The following EPB41L4B variants were observed in gnomAD, a reference collection of about 807,000 sequenced individuals.
EPB41L4B encodes the protein erythrocyte membrane protein band 4.1 like 4B.
In EPB41L4B, 30 loss-of-function variants were observed where a neutral mutation model predicts 112.5. That is an observed-to-expected ratio of 0.27 (90% CI 0.20 to 0.36). The LOEUF (loss-of-function observed/expected upper bound fraction) is 0.36. Ranked by LOEUF, EPB41L4B falls within the 10% of genes least tolerant of loss-of-function variation. The pLI, the probability that EPB41L4B is intolerant of heterozygous loss-of-function variation, is 1.00. For synonymous variants in EPB41L4B, 408 were observed against 439.7 expected, an observed-to-expected ratio of 0.93 and a Z score of 0.90; for missense variants, 1,024 against 1,133.3, an observed-to-expected ratio of 0.90 and a Z score of 1.38.
chr9:109,241,697 T>C (rs1328650685), intron 15 of EPB41L4B: 1 of 1,614,192 alleles, frequency 6.2e-7, no homozygotes, highest in East Asian at 2.2e-5. Context: ...CGATACATCA[T>C]ACTTTGCATC....
At chr9:109,246,508 G>T (rs1041771800) in intron 14 of EPB41L4B, among the ~76,000 whole-genome samples, 1 of 152,192 alleles carries the variant, frequency 6.6e-6, no homozygotes, top group African/African-American at 2.4e-5. Context: ...GGAAGCAAAG[G>T]AATTCCAGGC....
chr9:109,275,338 C>T (rs1364142327), intron 2 of EPB41L4B, among the ~76,000 whole-genome samples: 3 of 152,140 alleles, frequency 2.0e-5, no homozygotes, highest in Non-Finnish European at 4.4e-5. Flanking sequence ...GGCAATAAGC[C>T]AATAGCCAAG....
chr9:109,182,633 A>G, intron 24 of EPB41L4B, 96 bp downstream of exon 24: 4 of 872,090 alleles, frequency 4.6e-6, no homozygotes, highest in Non-Finnish European at 7.6e-6. Context: ...GGTGATCAAA[A>G]GAAGCGGTTG....
At chr9:109,204,587 G>A (rs532316432) in intron 18 of EPB41L4B, among the ~76,000 whole-genome samples, 1 of 152,218 alleles carries the variant, frequency 6.6e-6, no homozygotes, top group South Asian at 2.1e-4. Flanking sequence ...GACTTCCTGG[G>A]CTCAATCAAT....
intron 14 of EPB41L4B, among the ~76,000 whole-genome samples, chr9:109,245,357 T>C (rs117123966): frequency 0.026 from 3,923 of 152,328 alleles, 67 homozygotes; most frequent in Non-Finnish European, 0.037. Context: ...GTGGGAACCT[T>C]AGCCACAGAC....
At chr9:109,199,619 A>G (rs1335692537) in intron 20 of EPB41L4B, among the ~76,000 whole-genome samples, 1 of 152,214 alleles carries the variant, frequency 6.6e-6, no homozygotes, top group Non-Finnish European at 1.5e-5. Flanking sequence ...GTGAGCCAAG[A>G]TCACACCACT....
chr9:109,306,388 TGGATCACCTGAGGTCA>T (rs1837193327), intron 1 of EPB41L4B, among the ~76,000 whole-genome samples: 1 of 151,972 alleles, frequency 6.6e-6, no homozygotes, highest in Non-Finnish European at 1.5e-5. Context: ...GAGGTGGGGA[TGGATCACCTGAGGTCA>T]GGAGTTTGAG....
chr9:109,238,978 C>T (rs1284229487), intron 15 of EPB41L4B, among the ~76,000 whole-genome samples: 2 of 152,152 alleles, frequency 1.3e-5, no homozygotes, highest in East Asian at 1.9e-4. Context: ...TGGGGAATTC[C>T]ACTGAGAGGC....
At chr9:109,303,401 A>G (rs1029010385) in intron 1 of EPB41L4B, among the ~76,000 whole-genome samples, 1 of 152,108 alleles carries the variant, frequency 6.6e-6, no homozygotes, top group Non-Finnish European at 1.5e-5. Flanking sequence ...GCTGGGGTGC[A>G]GTGGCGCGAT....
At chr9:109,251,617 TCCAACTCCAA>T (rs1312026447) in intron 12 of EPB41L4B, 106 bp from the exon 13 acceptor site, 7 of 1,008,708 alleles carry the variant, frequency 6.9e-6, no homozygotes, top group Non-Finnish European at 1.1e-5. Flanking sequence ...ACAGAGCCTT[TCCAACTCCAA>T]CCCAGGCAGA....
intron 1 of EPB41L4B, among the ~76,000 whole-genome samples, chr9:109,316,365 G>A (rs981400056): frequency 6.6e-6 from 1 of 152,250 alleles, no homozygotes. Context: ...AGGGCAACGG[G>A]AGGCGGGGCT....
At chr9:109,272,221 C>CTG (rs1835650244) in intron 2 of EPB41L4B, among the ~76,000 whole-genome samples, 1 of 152,172 alleles carries the variant, frequency 6.6e-6, no homozygotes, top group South Asian at 2.1e-4. Context: ...ATTTGAGAGG[C>CTG]TGAGGCAGAA....
Position 109,251,140 on chromosome 9 carries a change from C to T in EPB41L4B, c.1310+341G>A, listed in dbSNP as rs548352263. Among the ~76,000 whole-genome samples the T allele has an allele frequency of 5.9e-5, 9 of 152,350 alleles. 1 individual carries two copies. The highest frequency in any genetic ancestry group is 1.9e-4 in the African/African-American group (8 of 41,578). On this transcript the variant is annotated intron_variant, in intron 13 of 25. Coordinates refer to ENST00000374566, the MANE Select transcript of EPB41L4B (RefSeq NM_019114.5). ...CATCTGCTCTCGTCCAGCTTTTGCT[C>T]GCGAGCAAGGCCTTCCTCTCCCAGC...
intron 12 of EPB41L4B, 35 bp downstream of exon 12, chr9:109,253,406 T>A: frequency 6.8e-7 from 1 of 1,470,404 alleles, no homozygotes; most frequent in Non-Finnish European, 9.5e-7. Context: ...TCAAGCATAA[T>A]GTAAAATTCC....
chr9:109,293,331 T>C (rs1468413082), intron 1 of EPB41L4B, among the ~76,000 whole-genome samples: 1 of 152,112 alleles, frequency 6.6e-6, no homozygotes, highest in East Asian at 1.9e-4. Context: ...GACGTTAACT[T>C]AGGTTTCATT....
At chr9:109,302,955 C>T (rs1837031140) in intron 1 of EPB41L4B, among the ~76,000 whole-genome samples, 1 of 151,936 alleles carries the variant, frequency 6.6e-6, no homozygotes, top group Non-Finnish European at 1.5e-5. Flanking sequence ...GTAGCATGCG[C>T]CTGCAGTCCC....
chr9:109,253,473 C>T lies in EPB41L4B; in HGVS notation c.1247G>A (p.Arg416His), dbSNP rs753397767. 2.0e-5 allele frequency: 32 copies of T among 1,613,694 alleles called. No individual in the cohort carries two copies. The highest frequency in any genetic ancestry group is 2.6e-5 in the Non-Finnish European group (31 of 1,179,738). Reference protein sequence around the residue: ...TSTFERKPSKRYPSRRHSTFK... With the variant: ...TSTFERKPSKHYPSRRHSTFK... ...CGTTGAATGTCTCCGGGATGGATAA[C>T]GTTTACTAGGCTTCCTCTCAAAGGT... Residue 416 changes from arginine to histidine, a missense_variant, in exon 12 of 26, where the codon CGT becomes CAT. Arg to His is a conservative substitution (Grantham distance 29). Coordinates refer to ENST00000374566, the MANE Select transcript of EPB41L4B (RefSeq NM_019114.5).
intron 1 of EPB41L4B, among the ~76,000 whole-genome samples, chr9:109,299,859 C>G (rs1479430701): frequency 6.6e-6 from 1 of 152,192 alleles, no homozygotes; most frequent in African/African-American, 2.4e-5. Context: ...TATAGCATGC[C>G]TCTTTTACAG....
intron 2 of EPB41L4B, among the ~76,000 whole-genome samples, chr9:109,273,167 G>A (rs1835689643): frequency 6.6e-6 from 1 of 152,094 alleles, no homozygotes; most frequent in South Asian, 2.1e-4. Context: ...TTCAGCACCA[G>A]TATTTGCACG....
Sources: allele counts gnomAD v4.1 joint callset (sites outside exome capture counted in the v4.1 genomes callset), GRCh38; gene constraint gnomAD v4.1.1; transcripts MANE v1.5; gene names NCBI Gene and HGNC (gene_info 2026-07-23, HGNC 2026-07-21).